Variants in USP15 observed in about 807,000 individuals in gnomAD.
USP15 encodes the protein ubiquitin specific peptidase 15, also known as ubiquitin carboxyl-terminal hydrolase 15.
A neutral mutation model predicts 127.1 loss-of-function variants in USP15; 18 were observed. The observed-to-expected ratio is 0.14, with a 90% CI of 0.10 to 0.21. The LOEUF is 0.21. Among genes scored for constraint, USP15 ranks in the 10% least tolerant of loss-of-function variants. The pLI is 1.00. For missense variants in USP15, 805 were observed against 1,159.9 expected (o/e 0.69, Z 4.44); for synonymous variants, 364 against 393.7 (o/e 0.92, Z 0.89).
At chr12:62,345,305 A>G (rs542180712) in intron 6 of USP15, among the ~76,000 whole-genome samples, 1 of 148,180 alleles carries the variant, frequency 6.7e-6, no homozygotes, top group Admixed American at 6.6e-5. Flanking sequence ...AAATGCCACC[A>G]GTCTCTTTGC....
intron 1 of USP15, among the ~76,000 whole-genome samples, chr12:62,291,679 C>G (rs551633037): frequency 6.6e-6 from 1 of 152,244 alleles, no homozygotes; most frequent in South Asian, 2.1e-4. Context: ...ACTGTTTTCC[C>G]TTGAGGATGT....
At chr12:62,298,871 GCTGAAACTTC>G (rs745753569) in intron 2 of USP15, among the ~76,000 whole-genome samples, 15 of 150,046 alleles carry the variant, frequency 1.0e-4, no homozygotes, top group Non-Finnish European at 2.1e-4. Flanking sequence ...TGAAATAATG[GCTGAAACTTC>G]CTGAAACTGG....
chr12:62,355,757 A>AG (rs1399827219), intron 8 of USP15, among the ~76,000 whole-genome samples: 2 of 150,088 alleles, frequency 1.3e-5, no homozygotes, highest in Non-Finnish European at 1.5e-5. Context: ...CTAAAAAGGG[A>AG]GGGAAAAAAA....
At chr12:62,395,387 A>G (rs897715812) in intron 19 of USP15, among the ~76,000 whole-genome samples, 1 of 152,048 alleles carries the variant, frequency 6.6e-6, no homozygotes, top group Admixed American at 6.6e-5. Context: ...TTGTGGGTAC[A>G]TAGTAGGTGT....
At position 62,269,041 on chromosome 12, in the gene USP15, A is replaced by T. The variant is rs371455839; in HGVS notation, c.89+8538A>T. 3.3e-5 allele frequency among the ~76,000 whole-genome samples: 5 copies of T among 152,252 alleles called. No homozygotes were observed. The South Asian group carries it at 1.0e-3, about 32-fold the overall frequency. On this transcript the variant is annotated intron_variant, in intron 1 of 21. Coordinates refer to ENST00000280377, the MANE Select transcript of USP15 (RefSeq NM_001252078.2). The stretch of plus-strand genomic sequence containing the variant: ...GCATCTTGCTTCTTTTACTTAGCAT[A>T]CATGTTTTCTAGGTTCATGCATGTT...
intron 1 of USP15, among the ~76,000 whole-genome samples, chr12:62,271,657 A>C (rs1407546772): frequency 6.6e-6 from 1 of 151,946 alleles, no homozygotes; most frequent in Non-Finnish European, 1.5e-5. Context: ...AGCATTATTA[A>C]TTATCATTTC....
chr12:62,405,966 TG>T lies in USP15; in HGVS notation c.*1595del, dbSNP rs2067853974. The T allele has an allele frequency of 1.3e-5, 2 of 151,626 alleles. No individual in the cohort carries two copies. The highest frequency in any genetic ancestry group is 4.2e-4 in the South Asian group (2 of 4,784). 9.4% of individuals were successfully genotyped at this position (151,626 alleles called of 1,614,324 possible). ...CATCCTGGTATTTTAAAAGCTGCTT[TG>T]GGGTTTTTTTTTTCTTTTTTTTTTT... On this transcript the variant is annotated 3_prime_UTR_variant, in exon 22 of 22. Transcript: ENST00000280377.
chr12:62,377,989 C>T (rs1486153590), intron 8 of USP15, among the ~76,000 whole-genome samples: 2 of 151,724 alleles, frequency 1.3e-5, no homozygotes, highest in East Asian at 3.9e-4. Flanking sequence ...GGCAGATCAC[C>T]TGAGGTCAGG....
chr12:62,377,659 G>T (rs1284942441), intron 8 of USP15, among the ~76,000 whole-genome samples: 2 of 152,016 alleles, frequency 1.3e-5, no homozygotes, highest in African/African-American at 4.8e-5. Context: ...GGCAGAGATT[G>T]CAGTGAGCTG....
At chr12:62,371,128 T>C (rs11174446) in intron 8 of USP15, among the ~76,000 whole-genome samples, 14,347 of 152,244 alleles carry the variant, frequency 0.094, 829 homozygotes, top group Non-Finnish European at 0.14. Flanking sequence ...AAGGCAAATA[T>C]GATTATTATG....
intron 1 of USP15, among the ~76,000 whole-genome samples, chr12:62,269,342 GTATAAA>G (rs760116546): frequency 2.1e-4 from 32 of 151,612 alleles, no homozygotes; most frequent in Non-Finnish European, 4.3e-4. Context: ...ATGTGTGTGT[GTATAAA>G]TATATATATG....
Position 62,379,189 on chromosome 12 carries a change from A to G in USP15, c.916-2301A>G, listed in dbSNP as rs75337682. 3.1e-3 allele frequency among the ~76,000 whole-genome samples: 436 copies of G among 140,218 alleles called. 4 individuals are homozygous for G. The highest frequency in any genetic ancestry group is 0.019 in the East Asian group (90 of 4,708). The allele number at this position is 140,218 out of a possible 152,430, so 92.0% of individuals were successfully genotyped here. A position where few individuals can be genotyped will look rare whatever the true frequency, so the allele number is the denominator to read the frequency against. On this transcript the variant is annotated intron_variant, in intron 8 of 21. Transcript: ENST00000280377. ...GCCAGAATCTTGATGGATTTATAGA[A>G]GTTAGTAAGGCCAAAAAAAAAAAAA...
intron 5 of USP15, among the ~76,000 whole-genome samples, chr12:62,324,008 T>C (rs2065060281): frequency 6.6e-6 from 1 of 151,964 alleles, no homozygotes; most frequent in African/African-American, 2.4e-5. Flanking sequence ...GGACCTTTTT[T>C]TTTTTAATAC....
At chr12:62,330,933 G>GAAA (rs36008434) in intron 6 of USP15, among the ~76,000 whole-genome samples, 6 of 120,314 alleles carry the variant, frequency 5.0e-5, no homozygotes, top group Non-Finnish European at 6.9e-5. Context: ...CTCCAAAAAG[G>GAAA]AAAAAAAAAA....
intron 2 of USP15, among the ~76,000 whole-genome samples, chr12:62,298,623 C>G (rs913707560): frequency 2.6e-5 from 4 of 151,876 alleles, no homozygotes; most frequent in African/African-American, 9.7e-5. Context: ...TGAGATCATG[C>G]TACTGCACTC....
chr12:62,321,883 C>A (rs2064995343), intron 5 of USP15, among the ~76,000 whole-genome samples: 1 of 152,022 alleles, frequency 6.6e-6, no homozygotes, highest in South Asian at 2.1e-4. Flanking sequence ...TGTGAAAGAC[C>A]AAATAGTAAA....
intron 6 of USP15, among the ~76,000 whole-genome samples, chr12:62,344,295 A>G (rs1415124620): frequency 1.3e-5 from 2 of 152,182 alleles, no homozygotes; most frequent in African/African-American, 4.8e-5. Flanking sequence ...GGCCAAAACA[A>G]AGGGTCTATA....
At chr12:62,263,968 T>A (rs773752555) in intron 1 of USP15, among the ~76,000 whole-genome samples, 8 of 152,144 alleles carry the variant, frequency 5.3e-5, no homozygotes, top group Non-Finnish European at 8.8e-5. Context: ...CAAAGAAAAT[T>A]ATGGGTTATA....
intron 1 of USP15, among the ~76,000 whole-genome samples, chr12:62,270,585 A>T (rs1056812022): frequency 6.6e-6 from 1 of 152,072 alleles, no homozygotes; most frequent in Non-Finnish European, 1.5e-5. Context: ...GCATGTGGTT[A>T]TCCAGTTGTC....
Sources: allele counts gnomAD v4.1 joint callset (sites outside exome capture counted in the v4.1 genomes callset), GRCh38; gene constraint gnomAD v4.1.1; transcripts MANE v1.5; gene names NCBI Gene and HGNC (gene_info 2026-07-23, HGNC 2026-07-21).